Variants in FRMD3 observed in about 807,000 individuals in gnomAD.
The protein encoded by FRMD3 is FERM domain containing 3, also known as FERM domain-containing protein 3.
Under a neutral mutation model 70.2 loss-of-function variants are expected in FRMD3, and 33 were observed. That is an observed-to-expected ratio of 0.47 (90% confidence interval 0.36 to 0.63). FRMD3 has a LOEUF of 0.63. Among genes scored for constraint, FRMD3 ranks in the 20% least tolerant of loss-of-function variants. The pLI is 0.00. For synonymous variants in FRMD3, 279 were observed against 255.9 expected, an observed-to-expected ratio of 1.09 and a Z score of -0.86; for missense variants, 632 against 711.4, an observed-to-expected ratio of 0.89 and a Z score of 1.27.
At position 83,364,896 on chromosome 9, in the gene FRMD3, T is replaced by C. The variant is rs189578655; in HGVS notation, c.295+8017A>G. On this transcript the variant is annotated intron_variant, in intron 3 of 13. Coordinates refer to ENST00000304195, the MANE Select transcript of FRMD3 (RefSeq NM_174938.6). ...TGAATAAAAATTTATCTGCCCCTTG[T>C]ATGTATGAAATACAATCTTTACCAT... 2.7e-3 allele frequency among the ~76,000 whole-genome samples: 407 copies of C among 152,360 alleles called. 3 individuals are homozygous for C. Among genetic ancestry groups the C allele is most frequent in the African/African-American group, 9.0e-3 (376 of 41,580 alleles).
chr9:83,361,141 A>G (rs1427669529), intron 3 of FRMD3, among the ~76,000 whole-genome samples: 1 of 152,258 alleles, frequency 6.6e-6, no homozygotes, highest in Non-Finnish European at 1.5e-5. Context: ...TGGGAAGAAC[A>G]AAGGCATCCA....
At chr9:83,422,969 C>T (rs1272412450) in intron 1 of FRMD3, among the ~76,000 whole-genome samples, 2 of 152,188 alleles carry the variant, frequency 1.3e-5, no homozygotes, top group Non-Finnish European at 2.9e-5. Context: ...AAGCAAAGAC[C>T]TAGAAGCCAA....
At chr9:83,533,574 T>C (rs572893448) in intron 1 of FRMD3, among the ~76,000 whole-genome samples, 5 of 152,354 alleles carry the variant, frequency 3.3e-5, no homozygotes, top group African/African-American at 1.2e-4. Context: ...GCTGGCATGC[T>C]ACCTTCATGT....
At chr9:83,321,146 T>G (rs940319619) in intron 6 of FRMD3, among the ~76,000 whole-genome samples, 5 of 151,682 alleles carry the variant, frequency 3.3e-5, no homozygotes, top group African/African-American at 1.2e-4. Flanking sequence ...ACCAACTTTT[T>G]GTTTGGTTGA....
At chr9:83,282,303 G>A (rs1303174865) in intron 13 of FRMD3, among the ~76,000 whole-genome samples, 1 of 152,160 alleles carries the variant, frequency 6.6e-6, no homozygotes, top group Non-Finnish European at 1.5e-5. Flanking sequence ...AGTTGAAGGT[G>A]GTTCAAAAGA....
At chr9:83,398,165 T>C (rs1825856047) in intron 1 of FRMD3, among the ~76,000 whole-genome samples, 1 of 152,224 alleles carries the variant, frequency 6.6e-6, no homozygotes, top group African/African-American at 2.4e-5. Flanking sequence ...CATTTTGTTA[T>C]GTTAGGGACC....
chr9:83,413,420 T>C (rs1246054636), intron 1 of FRMD3, among the ~76,000 whole-genome samples: 3 of 152,176 alleles, frequency 2.0e-5, no homozygotes, highest in Non-Finnish European at 2.9e-5. Context: ...GTGCCAGCCA[T>C]AGATGGGCAG....
At chr9:83,313,816 C>T (rs1206218102) in intron 6 of FRMD3, 69 bp from the exon 7 acceptor site, 4 of 1,136,332 alleles carry the variant, frequency 3.5e-6, no homozygotes, top group Non-Finnish European at 1.3e-6. Context: ...TCCCTTCATT[C>T]AATAAAGTAT....
At chr9:83,441,755 C>T (rs11999447) in intron 1 of FRMD3, among the ~76,000 whole-genome samples, 35,643 of 152,002 alleles carry the variant, frequency 0.23, 4,264 homozygotes, top group Non-Finnish European at 0.26. Context: ...AACCCTCCCT[C>T]GGTTGTTATC....
intron 3 of FRMD3, among the ~76,000 whole-genome samples, chr9:83,365,116 A>G (rs1824747177): frequency 6.6e-6 from 1 of 152,208 alleles, no homozygotes; most frequent in Admixed American, 6.5e-5. Flanking sequence ...TGGTCTTTTT[A>G]TATATTTACT....
rs1806414881 is a variant in FRMD3 at position 83,343,232 on chromosome 9, A to G, written c.430T>C (p.Ser144Pro). The G allele has an allele frequency of 1.2e-6, 2 of 1,613,976 alleles. No individual in the cohort carries two copies. The highest frequency in any genetic ancestry group is 1.7e-6 in the Non-Finnish European group (2 of 1,179,960). The change falls in exon 5 of 14, where the codon TCC becomes CCC. Residue 144 changes from serine (S) to proline (P), a missense_variant. Physicochemically the swap from Ser to Pro is moderately conservative, Grantham distance 74. Coordinates refer to ENST00000304195, the MANE Select transcript of FRMD3 (RefSeq NM_174938.6). ...RDIFHGRLLCSFSDAAYLGAC... is the reference protein window; with the variant it reads ...RDIFHGRLLCPFSDAAYLGAC... ...CCCAGGTAGGCAGCATCAGAAAAGGAGCACAGCAGGCGGCCATGAAAAATG... is the reference window on the plus strand; with the variant it reads ...CCCAGGTAGGCAGCATCAGAAAAGGGGCACAGCAGGCGGCCATGAAAAATG...
intron 6 of FRMD3, among the ~76,000 whole-genome samples, chr9:83,323,185 A>G (rs3903845): frequency 0.13 from 20,220 of 152,204 alleles, 1,618 homozygotes; most frequent in East Asian, 0.23. Context: ...AGTTATATAC[A>G]CAACAGAAAT....
chr9:83,418,637 T>C (rs1490404224), intron 1 of FRMD3, among the ~76,000 whole-genome samples: 1 of 152,158 alleles, frequency 6.6e-6, no homozygotes, highest in African/African-American at 2.4e-5. Context: ...TAATAGATCT[T>C]GGTGTGAATA....
intron 3 of FRMD3, among the ~76,000 whole-genome samples, chr9:83,357,278 TATATATATATATATATATAA>T (rs1564032883): frequency 0.012 from 810 of 66,074 alleles, 48 homozygotes; most frequent in East Asian, 0.03. Context: ...TATATATATA[TATATATATATATATATATAA>T]AACATTTTCT....
intron 1 of FRMD3, among the ~76,000 whole-genome samples, chr9:83,528,864 A>G (rs944813659): frequency 2.6e-4 from 40 of 152,240 alleles, no homozygotes; most frequent in Admixed American, 2.6e-4. Context: ...TCCTTTACCT[A>G]CTGAGTATCT....
chr9:83,266,921 C>T, intron 13 of FRMD3: 1 of 1,338,158 alleles, frequency 7.5e-7, no homozygotes, highest in Non-Finnish European at 1.0e-6. Context: ...ACACCAAATT[C>T]ACCCTGGGCC....
At chr9:83,405,445 T>C (rs1587821646) in intron 1 of FRMD3, among the ~76,000 whole-genome samples, 2 of 152,158 alleles carry the variant, frequency 1.3e-5, no homozygotes, top group South Asian at 4.2e-4. Context: ...GGAGCGGTTC[T>C]GGGATACAGA....
chr9:83,345,295 T>TG (rs1333944589), intron 4 of FRMD3, among the ~76,000 whole-genome samples: 1 of 152,160 alleles, frequency 6.6e-6, no homozygotes, highest in Non-Finnish European at 1.5e-5. Flanking sequence ...GGAGTTGCTA[T>TG]GCATTCTGTC....
intron 1 of FRMD3, among the ~76,000 whole-genome samples, chr9:83,452,052 G>A (rs1323480812): frequency 2.6e-5 from 4 of 152,154 alleles, no homozygotes; most frequent in African/African-American, 7.2e-5. Flanking sequence ...AGACTGGCAG[G>A]CTATCAATCC....
Sources: allele counts gnomAD v4.1 joint callset (sites outside exome capture counted in the v4.1 genomes callset), GRCh38; gene constraint gnomAD v4.1.1; transcripts MANE v1.5; gene names NCBI Gene and HGNC (gene_info 2026-07-23, HGNC 2026-07-21).